Variants in RARB observed in about 807,000 individuals in gnomAD.
The protein encoded by RARB is retinoic acid receptor beta, also known as HBV-activated protein.
A neutral mutation model predicts 51.9 loss-of-function variants in RARB; 17 were observed. That is an observed-to-expected ratio of 0.33 (90% CI 0.22 to 0.49). The LOEUF (loss-of-function observed/expected upper bound fraction) is 0.49. RARB is among the 20% of genes least tolerant of loss of function. The probability of loss-of-function intolerance (pLI) is 0.99; values close to 1 mark genes in which losing one functional copy is unlikely to be tolerated. For synonymous variants in RARB, 215 were observed against 195.4 expected, an observed-to-expected ratio of 1.10 and a Z score of -0.84; for missense variants, 369 against 550.8, an observed-to-expected ratio of 0.67 and a Z score of 3.30.
At chr3:25,226,314 T>C (rs554579656) in intron 5 of RARB, among the ~76,000 whole-genome samples, 1 of 152,318 alleles carries the variant, frequency 6.6e-6, no homozygotes, top group South Asian at 2.1e-4. Flanking sequence ...GGAGCTAGAT[T>C]ACAATTACTT....
In RARB at chr3:25,080,153, G is replaced by A. The variant is rs527729183; in HGVS notation, c.-328+19977G>A. The stretch of plus-strand genomic sequence containing the variant: ...GTACTTTGTCTCCACGAATTTGCCT[G>A]TTTTGGGTATTTCATAAAAGTAGAA... On this transcript the variant is annotated intron_variant, in intron 3 of 11. Transcript: ENST00000383772. Among the ~76,000 whole-genome samples, 6 of 152,242 alleles carry A rather than the reference G, an allele frequency of 3.9e-5. No homozygotes were observed. In the East Asian group the frequency reaches 1.2e-3, roughly 29 times the overall value.
chr3:24,994,719 A>C (rs750555957), intron 2 of RARB, among the ~76,000 whole-genome samples: 7 of 152,078 alleles, frequency 4.6e-5, no homozygotes, highest in Non-Finnish European at 1.0e-4. Context: ...GTGGATATCC[A>C]GTTTTCCCAG....
chr3:25,082,395 G>A (rs879515767), intron 3 of RARB, among the ~76,000 whole-genome samples: 2 of 151,530 alleles, frequency 1.3e-5, no homozygotes, highest in Admixed American at 1.3e-4. Context: ...TTGTTTTTTA[G>A]TATTTTGATT....
intron 4 of RARB, among the ~76,000 whole-genome samples, chr3:25,160,662 A>T (rs1354866273): frequency 1.3e-5 from 2 of 152,230 alleles, no homozygotes; most frequent in Non-Finnish European, 2.9e-5. Flanking sequence ...TATTGTTGTG[A>T]TAACAAATTA....
At position 24,832,628 on chromosome 3, in the gene RARB, A is replaced by ATATATATATATAT. The variant is rs1559366440; in HGVS notation, c.-459+3225_-459+3226insTATATATATATAT. On this transcript the variant is annotated intron_variant, in intron 1 of 11. Transcript: ENST00000383772. ...CTGTATTTAGAAAAAATTGAGTCCC[A>ATATATATATATAT]ATATATATATATATATATATATAAT... is the stretch of plus-strand genomic sequence containing the variant. Among the ~76,000 whole-genome samples the ATATATATATATAT allele has an allele frequency of 1.8e-3, 155 of 88,438 alleles. 5 individuals carry two copies. The highest frequency in any genetic ancestry group is 6.3e-3 in the African/African-American group (136 of 21,560). The allele number at this position is 88,438 out of a possible 152,430, so 58.0% of individuals were successfully genotyped here.
At chr3:25,286,664 T>C (rs1265560254) in intron 5 of RARB, among the ~76,000 whole-genome samples, 1 of 152,230 alleles carries the variant, frequency 6.6e-6, no homozygotes, top group Non-Finnish European at 1.5e-5. Flanking sequence ...TTCTTTATAA[T>C]CCTTCCCCCC....
At chr3:25,025,040 A>G (rs1176173341) in intron 2 of RARB, 1 of 151,824 alleles carries the variant, frequency 6.6e-6, no homozygotes, top group East Asian at 1.9e-4. Context: ...TCTCAATCTC[A>G]TCTGATCTCA....
At chr3:25,025,220 A>C (rs17195136) in intron 2 of RARB, 1 of 152,136 alleles carries the variant, frequency 6.6e-6, no homozygotes, top group Non-Finnish European at 1.5e-5. Flanking sequence ...TCTACATAGC[A>C]CTTCCAAGAT....
intron 5 of RARB, among the ~76,000 whole-genome samples, chr3:25,333,450 G>A (rs887487436): frequency 6.6e-6 from 1 of 152,056 alleles, no homozygotes; most frequent in African/African-American, 2.4e-5. Flanking sequence ...TTAATAAATG[G>A]TGCTGGGAAA....
At chr3:25,117,584 T>C (rs1175935513) in intron 3 of RARB, among the ~76,000 whole-genome samples, 1 of 152,032 alleles carries the variant, frequency 6.6e-6, no homozygotes, top group Non-Finnish European at 1.5e-5. Flanking sequence ...AGGGGATGGA[T>C]TAGACATGTG....
chr3:25,107,432 G>T (rs917596595), intron 3 of RARB, among the ~76,000 whole-genome samples: 9 of 152,030 alleles, frequency 5.9e-5, no homozygotes, highest in African/African-American at 1.7e-4. Flanking sequence ...TATTTTAGTA[G>T]GAGCTTAATA....
chr3:24,949,520 C>T (rs1011651570), intron 2 of RARB, among the ~76,000 whole-genome samples: 2 of 152,142 alleles, frequency 1.3e-5, no homozygotes, highest in Non-Finnish European at 2.9e-5. Flanking sequence ...CGTTTTTATG[C>T]TCTCCATAAG....
chr3:24,872,035 C>A (rs1010973766), intron 2 of RARB, among the ~76,000 whole-genome samples: 3 of 152,098 alleles, frequency 2.0e-5, no homozygotes, highest in Admixed American at 6.6e-5. Flanking sequence ...TCAATATAAC[C>A]TTTTAGTGTT....
At chr3:25,343,055 TG>T (rs1247031917) in intron 5 of RARB, among the ~76,000 whole-genome samples, 3 of 151,156 alleles carry the variant, frequency 2.0e-5, no homozygotes, top group Admixed American at 1.3e-4. Context: ...TGTGTGTGTG[TG>T]TGTGTGTGTG....
chr3:25,495,603 T>TTTTAG (rs1696984289), intron 2 of RARB, among the ~76,000 whole-genome samples: 1 of 152,208 alleles, frequency 6.6e-6, no homozygotes, highest in Non-Finnish European at 1.5e-5. Flanking sequence ...CCATGTGAGT[T>TTTTAG]TTTCTTTTTC....
intron 2 of RARB, among the ~76,000 whole-genome samples, chr3:24,865,330 A>G (rs1702826365): frequency 6.6e-6 from 1 of 152,066 alleles, no homozygotes; most frequent in Admixed American, 6.6e-5. Context: ...AAAAATATAC[A>G]TGTAAATGGA....
intron 2 of RARB, among the ~76,000 whole-genome samples, chr3:25,040,209 T>G (rs1313816150): frequency 1.3e-5 from 2 of 152,212 alleles, no homozygotes; most frequent in Non-Finnish European, 2.9e-5. Flanking sequence ...TTATTTAGTT[T>G]GTATGTTTCT....
intron 2 of RARB, among the ~76,000 whole-genome samples, chr3:24,918,313 A>G (rs1322207557): frequency 6.6e-6 from 1 of 152,226 alleles, no homozygotes; most frequent in Non-Finnish European, 1.5e-5. Flanking sequence ...CCAGATGTCA[A>G]AAGACCTTAT....
chr3:25,002,411 A>G (rs1457521885), intron 2 of RARB, among the ~76,000 whole-genome samples: 1 of 152,152 alleles, frequency 6.6e-6, no homozygotes, highest in Non-Finnish European at 1.5e-5. Flanking sequence ...CTCATGAAAG[A>G]AGGAATGAAT....
Sources: gnomAD v4.1 joint callset for allele counts (sites outside exome capture counted in the v4.1 genomes callset) on GRCh38, gnomAD v4.1.1 for gene constraint, MANE v1.5 for transcripts, NCBI Gene and HGNC (gene_info 2026-07-23, HGNC 2026-07-21) for gene names.